The following RAB3GAP1 variants were observed in gnomAD, a reference collection of about 807,000 sequenced individuals.
RAB3GAP1 encodes RAB3 GTPase activating protein catalytic subunit 1.
Under a neutral mutation model 130.7 loss-of-function variants are expected in RAB3GAP1, and 86 were observed. The ratio of observed to expected loss-of-function variants is 0.66; its 90% CI spans 0.55 to 0.79. The LOEUF is 0.79. Among genes scored for constraint, RAB3GAP1 ranks in the 30% least tolerant of loss-of-function variants. The pLI, the probability that RAB3GAP1 is intolerant of heterozygous loss-of-function variation, is 0.00. For synonymous variants in RAB3GAP1, 367 were observed against 401.7 expected (o/e 0.91, Z 1.03); for missense variants, 1,029 against 1,169.4 (o/e 0.88, Z 1.75).
downstream of RAB3GAP1, among the ~76,000 whole-genome samples, chr2:135,171,833 G>A (rs1692863428): frequency 6.6e-6 from 1 of 152,116 alleles, no homozygotes; most frequent in Non-Finnish European, 1.5e-5. Context: ...GGCTTACGAG[G>A]CAGTGACACT....
intron 13 of RAB3GAP1, among the ~76,000 whole-genome samples, chr2:135,131,801 C>T (rs1021219132): frequency 6.6e-6 from 1 of 152,194 alleles, no homozygotes; most frequent in Admixed American, 6.5e-5. Context: ...TGTGACACTG[C>T]CTGGCATATA....
In RAB3GAP1 at chr2:135,135,613, A is replaced by C; in HGVS notation, c.1604A>C (p.Lys535Thr). Residue 535 changes from lysine (K) to threonine (T), a missense_variant, in exon 17 of 24, where the codon AAG becomes ACG. Lys to Thr is a moderately conservative substitution (Grantham distance 78, BLOSUM62 -1). Around this residue, in one of 3 missense-constraint regions of RAB3GAP1, gnomAD observed 373 missense variants for 493.6 expected, o/e 0.76. Coordinates refer to ENST00000264158, the MANE Select transcript of RAB3GAP1 (RefSeq NM_012233.3). ...ERKKARDEGK[K>T]TSASDVTNIY... is the part of the protein sequence containing the mutation. The stretch of plus-strand genomic sequence containing the variant: ...AAGAAGGCACGTGATGAGGGGAAAA[A>C]GACAAGTGCTTCAGATGTCACTAAT... The C allele has an allele frequency of 6.2e-7, 1 of 1,610,710 alleles. No homozygotes were observed. The highest frequency in any genetic ancestry group is 8.5e-7 in the Non-Finnish European group (1 of 1,178,538).
chr2:135,109,180 A>G (rs77732099), intron 5 of RAB3GAP1, among the ~76,000 whole-genome samples: 14,068 of 151,994 alleles, frequency 0.093, 904 homozygotes, highest in South Asian at 0.24. Flanking sequence ...CTGCTTGTGA[A>G]CTTTAAACTC....
rs1356137444 is a variant in RAB3GAP1 at position 135,153,532 on chromosome 2, A to C, written c.2062-117A>C. 3 of 907,146 alleles carry C rather than the reference A, an allele frequency of 3.3e-6. No individual in the cohort carries two copies. In the East Asian group the frequency reaches 7.4e-5, roughly 22 times the overall value. The allele number at this position is 907,146 out of a possible 1,614,324, so 56.2% of individuals were successfully genotyped here. A position where few individuals can be genotyped will look rare whatever the true frequency, so the allele number is the denominator to read the frequency against. ...TAAAGGTGACATCCAAATTCATTTT[A>C]CATATTAGATTGTAAAGATTAGATA... is the stretch of plus-strand genomic sequence containing the variant. On this transcript the variant is annotated intron_variant, in intron 18 of 23. Coordinates refer to ENST00000264158, the MANE Select transcript of RAB3GAP1 (RefSeq NM_012233.3).
In RAB3GAP1 at chr2:135,081,327, A is replaced by AATATATAT. The variant is rs1214688390; in HGVS notation, c.151-9643_151-9636dup. Among the ~76,000 whole-genome samples, 153 of 64,014 alleles carry AATATATAT rather than the reference A, an allele frequency of 2.4e-3. 1 individual carries two copies. The highest frequency in any genetic ancestry group is 8.5e-3 in the East Asian group (8 of 942). The allele number at this position is 64,014 out of a possible 152,430, so 42.0% of individuals were successfully genotyped here. A position where few individuals can be genotyped will look rare whatever the true frequency, so the allele number is the denominator to read the frequency against. On this transcript the variant is annotated intron_variant, in intron 3 of 23. Coordinates refer to ENST00000264158, the MANE Select transcript of RAB3GAP1 (RefSeq NM_012233.3). ...GTCTCAAAAAAAAAAAAAAAAAAAAAATATATATATATATATATATATATA... is the reference window on the plus strand; with the variant it reads ...GTCTCAAAAAAAAAAAAAAAAAAAAAATATATATATATATATATATATATATATATATA...
In RAB3GAP1 at chr2:135,059,722, C is replaced by T. The variant is rs373617961; in HGVS notation, c.150+1636C>T. 2.6e-5 allele frequency among the ~76,000 whole-genome samples: 4 copies of T among 151,908 alleles called. No homozygotes were observed. The East Asian group carries it at 5.8e-4, about 22-fold the overall frequency. ...GGGTTAAAGTTTTAGATGCTAAATT[C>T]AGTTTTGGGATTTAAGTGGGTAGTT... On this transcript the variant is annotated intron_variant, in intron 3 of 23. Transcript: ENST00000264158.
chr2:135,055,776 T>G (rs1688990490), intron 2 of RAB3GAP1, among the ~76,000 whole-genome samples: 1 of 151,880 alleles, frequency 6.6e-6, no homozygotes, highest in South Asian at 2.1e-4. Context: ...GAATAAAAAA[T>G]AAAAATCACC....
At chr2:135,105,029 A>G (rs1042171839) in intron 5 of RAB3GAP1, among the ~76,000 whole-genome samples, 4 of 152,222 alleles carry the variant, frequency 2.6e-5, no homozygotes, top group Non-Finnish European at 4.4e-5. Flanking sequence ...ATTAACAGAA[A>G]TTGTCCAGTC....
chr2:135,061,102 C>G (rs924371272), intron 3 of RAB3GAP1, among the ~76,000 whole-genome samples: 1 of 150,726 alleles, frequency 6.6e-6, no homozygotes, highest in East Asian at 2.0e-4. Flanking sequence ...CCTTTACTCA[C>G]GATAATGTTT....
downstream of RAB3GAP1, among the ~76,000 whole-genome samples, chr2:135,174,253 C>T (rs1046945599): frequency 3.6e-5 from 5 of 139,124 alleles, no homozygotes; most frequent in African/African-American, 1.1e-4. Flanking sequence ...GGACCCCATC[C>T]GGAGAGGGTG....
chr2:135,135,558 C>T lies in RAB3GAP1; in HGVS notation c.1555-6C>T. 2 of 1,590,774 alleles carry T rather than the reference C, an allele frequency of 1.3e-6. No homozygotes were observed. The highest frequency in any genetic ancestry group is 1.7e-6 in the Non-Finnish European group (2 of 1,165,468). On this transcript the variant is annotated splice_polypyrimidine_tract_variant and splice_region_variant and intron_variant, in intron 16 of 23. Transcript: ENST00000264158. Reference sequence around the variant, plus strand: ...CAACTATAAATGTTATTTCTCTTTTCTTAAGATGTTAAATTGTTGTATTGA... The same window carrying T: ...CAACTATAAATGTTATTTCTCTTTTTTTAAGATGTTAAATTGTTGTATTGA...
At chr2:135,117,615 G>GCTT (rs1558784511) in intron 7 of RAB3GAP1, among the ~76,000 whole-genome samples, 23 of 25,006 alleles carry the variant, frequency 9.2e-4, no homozygotes, top group African/African-American at 3.5e-3. Context: ...TGCTTCTTCT[G>GCTT]CTTCTGCTTC....
In RAB3GAP1 at chr2:135,133,860, G is replaced by T. The variant is rs1691611880; in HGVS notation, c.1327-1G>T. On this transcript the variant is annotated splice_acceptor_variant, in intron 14 of 23. Transcript: ENST00000264158. LOFTEE classifies it high-confidence loss of function. ...CTTTGTTTCTATTTTGTTAAATTTA[G>T]AATCTCTACAATCAGTTCAAGTCTG... is the stretch of plus-strand genomic sequence containing the variant. 1 of 1,612,758 alleles carries T rather than the reference G, an allele frequency of 6.2e-7. No individual in the cohort carries two copies. Among genetic ancestry groups the T allele is most frequent in the South Asian group, 1.1e-5 (1 of 91,052 alleles).
intron 17 of RAB3GAP1, among the ~76,000 whole-genome samples, chr2:135,148,536 C>T (rs192455497): frequency 4.1e-5 from 6 of 146,448 alleles, no homozygotes; most frequent in East Asian, 2.0e-4. Flanking sequence ...TCACTGTTAC[C>T]GAGGCCTGAG....
chr2:135,086,661 C>CT (rs59270938), intron 3 of RAB3GAP1, among the ~76,000 whole-genome samples: 2,866 of 65,020 alleles, frequency 0.044, 19 homozygotes, highest in Non-Finnish European at 0.057. Context: ...TTCCCCTAAT[C>CT]TTTTTTTTTT....
chr2:135,173,505 G>A (rs894480187), downstream of RAB3GAP1, among the ~76,000 whole-genome samples: 6 of 152,152 alleles, frequency 3.9e-5, no homozygotes, highest in Admixed American at 1.3e-4. Flanking sequence ...ACTAAGAGGC[G>A]ACTGTTGTGT....
intron 7 of RAB3GAP1, among the ~76,000 whole-genome samples, chr2:135,117,098 A>G (rs1164310603): frequency 6.6e-6 from 1 of 152,074 alleles, no homozygotes; most frequent in African/African-American, 2.4e-5. Context: ...GCTTCCTTTT[A>G]CCTCTCTGCC....
Position 135,135,620 on chromosome 2 carries a change from T to C in RAB3GAP1, c.1611T>C (p.Ser537=), listed in dbSNP as rs767393355. Residue 537 remains serine, a synonymous_variant, in exon 17 of 24, where the codon AGT becomes AGC. Transcript: ENST00000264158. ...KKARDEGKKT[S]ASDVTNIYPG... ...CACGTGATGAGGGGAAAAAGACAAG[T>C]GCTTCAGATGTCACTAATATATATC... The C allele has an allele frequency of 6.2e-7, 1 of 1,611,022 alleles. No individual in the cohort carries two copies. The highest frequency in any genetic ancestry group is 8.5e-7 in the Non-Finnish European group (1 of 1,178,752).
chr2:135,126,791 C>A, intron 11 of RAB3GAP1, 135 bp downstream of exon 11: 2 of 764,570 alleles, frequency 2.6e-6, no homozygotes, highest in Non-Finnish European at 4.7e-6. Flanking sequence ...TTGCCAATAG[C>A]AGTGAATCCT....
Sources: gnomAD v4.1 joint callset for allele counts (sites outside exome capture counted in the v4.1 genomes callset) on GRCh38, gnomAD v4.1.1 for gene constraint, gnomAD v4.1.1 regional missense constraint, MANE v1.5 for transcripts, NCBI Gene and HGNC (gene_info 2026-07-23, HGNC 2026-07-21) for gene names.